Variants in TMTC1 observed in about 807,000 individuals in gnomAD.
TMTC1 encodes the protein protein O-mannosyl-transferase TMTC1.
Under a neutral mutation model 104.8 loss-of-function variants are expected in TMTC1, and 73 were observed. The observed-to-expected ratio is 0.70, with a 90% confidence interval of 0.58 to 0.85. The LOEUF is 0.85. Ranked by LOEUF, TMTC1 falls within the 40% of genes least tolerant of loss-of-function variation. The pLI, the probability that TMTC1 is intolerant of heterozygous loss-of-function variation, is 0.00. For missense variants in TMTC1, 1,035 were observed against 1,096.1 expected (o/e 0.94, Z 0.79); for synonymous variants, 434 against 428.7 (o/e 1.01, Z -0.15).
Position 29,633,309 on chromosome 12 carries a change from G to A in TMTC1, c.966C>T (p.Ala322=), listed in dbSNP as rs918853585. Residue 322 remains alanine, a synonymous_variant, in exon 6 of 18, where the codon GCC becomes GCT. Coordinates refer to ENST00000539277, the MANE Select transcript of TMTC1 (RefSeq NM_001193451.2). The part of the protein sequence containing the change: ...MRFLTYSYLL[A]FNVWLLLAPV... ...GTGCAAGCAGAAGCCACACATTGAA[G>A]GCCAAGAGGTAGGAATAGGTGAGGA... 2 of 1,612,900 alleles carry A rather than the reference G, an allele frequency of 1.2e-6. No individual in the cohort carries two copies. The highest frequency in any genetic ancestry group is 1.7e-6 in the Non-Finnish European group (2 of 1,179,290).
intron 17 of TMTC1, among the ~76,000 whole-genome samples, chr12:29,508,090 T>C (rs1943740127): frequency 6.6e-6 from 1 of 152,224 alleles, no homozygotes; most frequent in South Asian, 2.1e-4. Flanking sequence ...CTGTTATTAA[T>C]GACTATCCAG....
At chr12:29,658,698 T>A (rs986523954) in intron 5 of TMTC1, 1 of 214,102 alleles carries the variant, frequency 4.7e-6, no homozygotes, top group Non-Finnish European at 9.9e-6. Flanking sequence ...ACCTTTCTTA[T>A]AGATCTGCAT....
intron 8 of TMTC1, among the ~76,000 whole-genome samples, chr12:29,574,592 T>C (rs1342473677): frequency 6.6e-6 from 1 of 152,176 alleles, no homozygotes; most frequent in Non-Finnish European, 1.5e-5. Flanking sequence ...GCTGATTCGG[T>C]TTCTGATGAG....
chr12:29,673,114 A>C (rs1363510785), intron 5 of TMTC1, among the ~76,000 whole-genome samples: 1 of 152,234 alleles, frequency 6.6e-6, no homozygotes, highest in African/African-American at 2.4e-5. Context: ...AGAAGATTTC[A>C]GTTTTATTTC....
chr12:29,531,084 C>A (rs764280138), intron 11 of TMTC1, among the ~76,000 whole-genome samples: 10 of 152,096 alleles, frequency 6.6e-5, no homozygotes, highest in Non-Finnish European at 1.3e-4. Flanking sequence ...TAAATCTTTG[C>A]CTAGGGGTAG....
intron 5 of TMTC1, among the ~76,000 whole-genome samples, chr12:29,718,961 G>T (rs945996550): frequency 6.6e-6 from 1 of 150,664 alleles, no homozygotes; most frequent in Non-Finnish European, 1.5e-5. Context: ...AGTTCACTGA[G>T]TGGACTTAGC....
intron 5 of TMTC1, among the ~76,000 whole-genome samples, chr12:29,738,866 C>T (rs1267524704): frequency 6.6e-6 from 1 of 152,138 alleles, no homozygotes; most frequent in African/African-American, 2.4e-5. Context: ...GCACTCAAGG[C>T]TCCTGTTACC....
chr12:29,576,127 T>C (rs1305148294), intron 8 of TMTC1, among the ~76,000 whole-genome samples: 2 of 152,218 alleles, frequency 1.3e-5, no homozygotes, highest in African/African-American at 4.8e-5. Context: ...GTTGTATGGG[T>C]TGCTTACATA....
chr12:29,724,430 T>G (rs115581006), intron 5 of TMTC1, among the ~76,000 whole-genome samples: 2 of 152,146 alleles, frequency 1.3e-5, no homozygotes, highest in Admixed American at 1.3e-4. Flanking sequence ...CATGTACATA[T>G]ATATGAGAAA....
chr12:29,673,862 C>T (rs912749040), intron 5 of TMTC1, among the ~76,000 whole-genome samples: 8 of 147,852 alleles, frequency 5.4e-5, no homozygotes, highest in African/African-American at 1.5e-4. Flanking sequence ...CAGGTTCAAG[C>T]GATTCCCCTG....
intron 5 of TMTC1, among the ~76,000 whole-genome samples, chr12:29,718,917 A>G (rs1942156239): frequency 7.6e-6 from 1 of 131,326 alleles, no homozygotes; most frequent in Non-Finnish European, 1.6e-5. Flanking sequence ...TGGGTGACAG[A>G]GCGAGACTCC....
intron 7 of TMTC1, among the ~76,000 whole-genome samples, chr12:29,592,848 T>G (rs1420809087): frequency 1.3e-5 from 2 of 152,224 alleles, no homozygotes; most frequent in Admixed American, 6.5e-5. Flanking sequence ...TAGGCAATTA[T>G]TTTTCTGCTA....
In TMTC1 at chr12:29,619,287, G is replaced by T. The variant is rs79358815; in HGVS notation, c.1128+13860C>A. ...AGAAAAAGACAAATGATTTAGCGAT[G>T]TGTAAAACTTTTGCCAGGCCTAGAT... On this transcript the variant is annotated intron_variant, in intron 6 of 17. Transcript: ENST00000539277. Among the ~76,000 whole-genome samples, 968 of 152,292 alleles carry T rather than the reference G, an allele frequency of 6.4e-3. 6 individuals are homozygous for T. The highest frequency in any genetic ancestry group is 0.022 in the African/African-American group (907 of 41,552).
chr12:29,666,271 A>C (rs2136663668), intron 5 of TMTC1: 1 of 378,766 alleles, frequency 2.6e-6, no homozygotes, highest in African/African-American at 2.7e-5. Context: ...TCTGTCACCC[A>C]GGCTGGAGTG....
At chr12:29,512,770 T>A (rs966554189) in intron 16 of TMTC1, among the ~76,000 whole-genome samples, 1 of 152,190 alleles carries the variant, frequency 6.6e-6, no homozygotes, top group African/African-American at 2.4e-5. Context: ...GTATCAGTGA[T>A]GTGTGGTATA....
chr12:29,729,205 T>C (rs1030921061), intron 5 of TMTC1, among the ~76,000 whole-genome samples: 2 of 151,600 alleles, frequency 1.3e-5, no homozygotes, highest in East Asian at 3.9e-4. Context: ...AGGGTTCTTG[T>C]GAGCGTTCTC....
In TMTC1 at chr12:29,701,077, C is replaced by T. The variant is rs753328343; in HGVS notation, c.938+50589G>A. ...TTCCCTCTGTCCTCTCACTGCTCTG[C>T]TGACTGAGAGTCTTGCTTTTGCCAG... On this transcript the variant is annotated intron_variant, in intron 5 of 17. Coordinates refer to ENST00000539277, the MANE Select transcript of TMTC1 (RefSeq NM_001193451.2). Among the ~76,000 whole-genome samples, 15 of 150,658 alleles carry T rather than the reference C, an allele frequency of 1.0e-4. No individual in the cohort carries two copies. In the South Asian group the frequency reaches 3.1e-3, roughly 32 times the overall value.
chr12:29,661,525 G>A (rs1441524355), intron 5 of TMTC1, among the ~76,000 whole-genome samples: 6 of 130,902 alleles, frequency 4.6e-5, no homozygotes, highest in Non-Finnish European at 6.6e-5. Context: ...AGGTTCAAGC[G>A]ATTCTCATGC....
intron 11 of TMTC1, among the ~76,000 whole-genome samples, chr12:29,522,578 G>A (rs427972): frequency 9.3e-6 from 1 of 107,262 alleles, no homozygotes; most frequent in Admixed American, 8.4e-5. Flanking sequence ...GTGTGTGTGT[G>A]TGTGTGTGTA....
Sources: gnomAD v4.1 joint callset for allele counts (sites outside exome capture counted in the v4.1 genomes callset) on GRCh38, gnomAD v4.1.1 for gene constraint, MANE v1.5 for transcripts, NCBI Gene and HGNC (gene_info 2026-07-23, HGNC 2026-07-21) for gene names.